CENPC: variants seen among roughly 807,000 people sequenced by gnomAD.
CENPC encodes centromere protein C, also known as CENP-C 1.
Under a neutral mutation model 112.1 loss-of-function variants are expected in CENPC, and 63 were observed. The ratio of observed to expected loss-of-function variants is 0.56; its 90% confidence interval spans 0.46 to 0.69. The LOEUF is 0.69. Among genes scored for constraint, CENPC ranks in the 30% least tolerant of loss-of-function variants. CENPC has a pLI of 0.00. For missense variants in CENPC, 1,000 were observed against 1,103.8 expected, an observed-to-expected ratio of 0.91 and a Z score of 1.33; for synonymous variants, 333 against 367.6, an observed-to-expected ratio of 0.91 and a Z score of 1.08.
chr4:67,519,564 C>T (rs1349369356), intron 5 of CENPC, 62 bp from the exon 6 acceptor site: 3 of 1,137,122 alleles, frequency 2.6e-6, no homozygotes, highest in Middle Eastern at 2.9e-4. Flanking sequence ...ATCAAGCAGG[C>T]TTTTTAAAAA....
At position 67,470,077 on chromosome 4, in the gene CENPC, T is replaced by C. The variant is rs988458104; in HGVS notation, c.*2528A>G. ...AAATAGCTACAACTTGTGACTACTG[T>C]ATCAGCCATTATAGCCCTAGAAGTT... On this transcript the variant is annotated 3_prime_UTR_variant, in exon 19 of 19. Transcript: ENST00000273853. 2 of 152,206 alleles carry C rather than the reference T, an allele frequency of 1.3e-5. No homozygotes were observed. Among genetic ancestry groups the C allele is most frequent in the African/African-American group, 4.8e-5 (2 of 41,452 alleles). The allele number at this position is 152,206 out of a possible 1,614,324, so 9.4% of individuals were successfully genotyped here.
At chr4:67,485,747 T>C (rs545846925) in intron 17 of CENPC, among the ~76,000 whole-genome samples, 2 of 152,342 alleles carry the variant, frequency 1.3e-5, no homozygotes, top group East Asian at 1.9e-4. Context: ...ACTTACTCTA[T>C]ACCAAGCAGT....
At chr4:67,530,105 T>C (rs900615439) in intron 5 of CENPC, among the ~76,000 whole-genome samples, 1 of 152,070 alleles carries the variant, frequency 6.6e-6, no homozygotes, top group Non-Finnish European at 1.5e-5. Flanking sequence ...TTTTATTTTT[T>C]AAAAAAAGGT....
At chr4:67,489,779 A>G (rs547400605) in intron 17 of CENPC, among the ~76,000 whole-genome samples, 188 bp downstream of exon 17, 199 of 152,254 alleles carry the variant, frequency 1.3e-3, no homozygotes, top group Non-Finnish European at 2.3e-3. Flanking sequence ...TGCTATGCAG[A>G]GAACAGATAT....
chr4:67,479,627 A>T (rs777814950), intron 17 of CENPC, among the ~76,000 whole-genome samples: 1 of 152,220 alleles, frequency 6.6e-6, no homozygotes, highest in Non-Finnish European at 1.5e-5. Flanking sequence ...AGTCTGAAAG[A>T]ACACAAATAC....
intron 7 of CENPC, among the ~76,000 whole-genome samples, chr4:67,516,873 G>C (rs1365335548): frequency 6.6e-6 from 1 of 152,000 alleles, no homozygotes; most frequent in East Asian, 1.9e-4. Flanking sequence ...AAGAGCATAA[G>C]TGGAAGCAAT....
At chr4:67,536,342 CAT>C (rs1367781557) in intron 4 of CENPC, among the ~76,000 whole-genome samples, 3 of 152,244 alleles carry the variant, frequency 2.0e-5, no homozygotes, top group East Asian at 3.9e-4. Context: ...CAGCTCCAAC[CAT>C]ATGTTTTACA....
chr4:67,541,207 C>G (rs1726880845), intron 2 of CENPC, among the ~76,000 whole-genome samples, 157 bp from the exon 3 acceptor site: 1 of 152,130 alleles, frequency 6.6e-6, no homozygotes, highest in South Asian at 2.1e-4. Flanking sequence ...AGGGTCTATA[C>G]ATTCCCTCAA....
intron 9 of CENPC, among the ~76,000 whole-genome samples, chr4:67,509,983 AC>A (rs1403456088): frequency 6.6e-6 from 1 of 151,690 alleles, no homozygotes; most frequent in Non-Finnish European, 1.5e-5. Flanking sequence ...AATTCCCAAA[AC>A]CCCCCTCCAA....
chr4:67,543,160 A>G (rs1726934753), intron 2 of CENPC, among the ~76,000 whole-genome samples: 1 of 152,168 alleles, frequency 6.6e-6, no homozygotes, highest in Non-Finnish European at 1.5e-5. Context: ...CCTATAATAG[A>G]TGCCTAAAGC....
chr4:67,510,419 C>T (rs940038290), intron 9 of CENPC, among the ~76,000 whole-genome samples: 2 of 152,182 alleles, frequency 1.3e-5, no homozygotes, highest in East Asian at 3.8e-4. Flanking sequence ...CTCTACTTCT[C>T]TCCTCCAGCA....
intron 5 of CENPC, among the ~76,000 whole-genome samples, chr4:67,525,089 T>C (rs1428504990): frequency 6.6e-6 from 1 of 152,188 alleles, no homozygotes; most frequent in African/African-American, 2.4e-5. Flanking sequence ...GGATTCTCTG[T>C]TTAACAAATG....
chr4:67,493,084 T>C, intron 14 of CENPC, 87 bp from the exon 15 acceptor site: 1 of 1,094,312 alleles, frequency 9.1e-7, no homozygotes, highest in African/African-American at 1.6e-5. Context: ...GCACATTTCC[T>C]TTCAAAGTAC....
intron 17 of CENPC, among the ~76,000 whole-genome samples, chr4:67,475,750 C>T (rs758827588): frequency 3.9e-5 from 6 of 152,202 alleles, no homozygotes; most frequent in Non-Finnish European, 7.3e-5. Context: ...AGGCGCCCGC[C>T]ATCGCGCCTG....
At chr4:67,518,032 T>A (rs1726108576) in intron 7 of CENPC, 124 bp downstream of exon 7, 1 of 575,742 alleles carries the variant, frequency 1.7e-6, no homozygotes, top group South Asian at 3.9e-5. Context: ...CAGAAAAAAT[T>A]TCAATTAAAA....
At chr4:67,541,321 C>T (rs1023163027) in intron 2 of CENPC, among the ~76,000 whole-genome samples, 2 of 152,158 alleles carry the variant, frequency 1.3e-5, no homozygotes, top group African/African-American at 4.8e-5. Flanking sequence ...TAGATTACTG[C>T]TGTATCTCAA....
chr4:67,519,946 A>C (rs977784758), intron 5 of CENPC, among the ~76,000 whole-genome samples: 2 of 152,194 alleles, frequency 1.3e-5, no homozygotes, highest in Non-Finnish European at 2.9e-5. Context: ...GAAATTATCC[A>C]TCAATCAACA....
Position 67,545,440 on chromosome 4 carries a change from T to G in CENPC, c.-85A>C. 1 of 1,370,054 alleles carries G rather than the reference T, an allele frequency of 7.3e-7. No homozygotes were observed. The highest frequency in any genetic ancestry group is 9.7e-7 in the Non-Finnish European group (1 of 1,035,360). 84.9% of individuals were successfully genotyped at this position (1,370,054 alleles called of 1,614,324 possible). The stretch of plus-strand genomic sequence containing the variant: ...TCCAGGAAGCCGAGCAAGAAACGAA[T>G]CGCCGGAATACCAGGCCGCGGCCAA... On this transcript the variant is annotated 5_prime_UTR_variant, in exon 1 of 19. Transcript: ENST00000273853.
At chr4:67,504,614 G>A (rs1332341014) in intron 12 of CENPC, among the ~76,000 whole-genome samples, 1 of 152,130 alleles carries the variant, frequency 6.6e-6, no homozygotes, top group Non-Finnish European at 1.5e-5. Flanking sequence ...AAGGTCAGGA[G>A]TTTAAGACCA....
Sources: gnomAD v4.1 joint callset for allele counts (sites outside exome capture counted in the v4.1 genomes callset) on GRCh38, gnomAD v4.1.1 for gene constraint, MANE v1.5 for transcripts, NCBI Gene and HGNC (gene_info 2026-07-23, HGNC 2026-07-21) for gene names.